CTNND2: variants seen among roughly 807,000 people sequenced by gnomAD.
CTNND2 encodes the protein catenin delta-2.
CTNND2 carries 22 observed loss-of-function variants against 144.4 expected under a neutral mutation model. The ratio of observed to expected loss-of-function variants is 0.15; its 90% CI spans 0.11 to 0.22. The LOEUF is 0.22. Among genes scored for constraint, CTNND2 ranks in the 10% least tolerant of loss-of-function variants. The pLI is 1.00. For missense variants in CTNND2, 1,353 were observed against 1,618.8 expected, an observed-to-expected ratio of 0.84 and a Z score of 2.82; for synonymous variants, 751 against 695.6, an observed-to-expected ratio of 1.08 and a Z score of -1.25.
chr5:11,333,653 A>G (rs1753420094), intron 9 of CTNND2, among the ~76,000 whole-genome samples: 1 of 152,230 alleles, frequency 6.6e-6, no homozygotes, highest in South Asian at 2.1e-4. Context: ...GGTTCATAGG[A>G]ACACCAGATA....
chr5:11,098,773 A>G (rs1280239181), intron 14 of CTNND2, 25 bp from the exon 15 acceptor site: 5 of 1,609,032 alleles, frequency 3.1e-6, no homozygotes, highest in Non-Finnish European at 3.4e-6. Context: ...ACAAGAGAGC[A>G]AACATCTTTA....
At chr5:11,623,804 GTATGTATATATATATATA>G (rs1293920902) in intron 2 of CTNND2, among the ~76,000 whole-genome samples, 5 of 30,638 alleles carry the variant, frequency 1.6e-4, no homozygotes, top group African/African-American at 5.6e-4. Context: ...ATATATGTGT[GTATGTATATATATATATA>G]TATATATATA....
chr5:11,131,748 C>T (rs1012690600), intron 12 of CTNND2, among the ~76,000 whole-genome samples: 1 of 151,960 alleles, frequency 6.6e-6, no homozygotes, highest in Non-Finnish European at 1.5e-5. Flanking sequence ...GAGATGGCAC[C>T]ATTGCACTCC....
chr5:11,646,799 C>T (rs558448842), intron 2 of CTNND2, among the ~76,000 whole-genome samples: 8 of 152,320 alleles, frequency 5.3e-5, no homozygotes, highest in East Asian at 1.9e-4. Context: ...TCCTGCAGAA[C>T]GTCTGCAGAT....
chr5:11,642,104 C>T (rs968360724), intron 2 of CTNND2, among the ~76,000 whole-genome samples: 13 of 151,992 alleles, frequency 8.6e-5, no homozygotes, highest in Admixed American at 6.6e-4. Context: ...AGAAAACCCA[C>T]GGAGTTTTGA....
chr5:11,603,197 A>G (rs1413541374), intron 2 of CTNND2, among the ~76,000 whole-genome samples: 6 of 152,178 alleles, frequency 3.9e-5, no homozygotes, highest in African/African-American at 1.4e-4. Flanking sequence ...AGAAGTATAA[A>G]TGCCATTGCT....
chr5:11,173,171 G>C (rs75068803), intron 11 of CTNND2, among the ~76,000 whole-genome samples: 8,987 of 152,320 alleles, frequency 0.059, 328 homozygotes, highest in East Asian at 0.15. Flanking sequence ...GGGTACCCGT[G>C]CCCTCTGGCT....
intron 2 of CTNND2, among the ~76,000 whole-genome samples, chr5:11,663,210 T>A (rs559502935): frequency 6.6e-6 from 1 of 152,346 alleles, no homozygotes; most frequent in East Asian, 1.9e-4. Flanking sequence ...GTCTGCATAA[T>A]TGATTTGAAA....
intron 11 of CTNND2, among the ~76,000 whole-genome samples, chr5:11,167,178 C>T (rs1580470331): frequency 6.6e-6 from 1 of 152,244 alleles, no homozygotes; most frequent in Non-Finnish European, 1.5e-5. Flanking sequence ...AAGAAAGGGC[C>T]TCTGAGGCTG....
At chr5:11,235,171 G>A (rs1289524284) in intron 10 of CTNND2, among the ~76,000 whole-genome samples, 2 of 152,128 alleles carry the variant, frequency 1.3e-5, no homozygotes, top group Non-Finnish European at 2.9e-5. Flanking sequence ...ATCAATTCAT[G>A]CTAACGATGA....
intron 3 of CTNND2, among the ~76,000 whole-genome samples, chr5:11,517,174 C>A (rs1429367142): frequency 6.6e-6 from 1 of 152,208 alleles, no homozygotes; most frequent in African/African-American, 2.4e-5. Flanking sequence ...ACAAAATACA[C>A]TCGAATCATG....
intron 2 of CTNND2, among the ~76,000 whole-genome samples, chr5:11,669,384 T>G (rs1326758952): frequency 6.6e-6 from 1 of 152,182 alleles, no homozygotes; most frequent in Non-Finnish European, 1.5e-5. Context: ...TGTGAATCCA[T>G]CTGGTCCTGG....
chr5:11,143,773 T>C (rs947073944), intron 12 of CTNND2, among the ~76,000 whole-genome samples: 3 of 152,370 alleles, frequency 2.0e-5, no homozygotes, highest in African/African-American at 7.2e-5. Flanking sequence ...GATGAAGCTC[T>C]GGCATTGGCT....
intron 2 of CTNND2, among the ~76,000 whole-genome samples, chr5:11,675,019 A>G (rs910522176): frequency 6.6e-6 from 1 of 152,092 alleles, no homozygotes; most frequent in African/African-American, 2.4e-5. Flanking sequence ...ATTCTTTCCA[A>G]TGGGGTTATT....
chr5:11,683,438 C>T (rs976420280), intron 2 of CTNND2, among the ~76,000 whole-genome samples: 1 of 152,158 alleles, frequency 6.6e-6, no homozygotes, highest in Admixed American at 6.5e-5. Flanking sequence ...CATAATAAAG[C>T]CATTAATAGA....
chr5:11,478,124 C>T (rs991822207), intron 3 of CTNND2, among the ~76,000 whole-genome samples: 1 of 152,114 alleles, frequency 6.6e-6, no homozygotes, highest in Non-Finnish European at 1.5e-5. Flanking sequence ...CTCTACACTT[C>T]TTCTCTCATA....
intron 2 of CTNND2, among the ~76,000 whole-genome samples, chr5:11,685,712 G>T (rs1385408926): frequency 6.6e-6 from 1 of 152,144 alleles, no homozygotes; most frequent in African/African-American, 2.4e-5. Context: ...ACTACGAATT[G>T]CAATTTAATG....
At chr5:11,128,739 ATTT>A (rs1221976412) in intron 12 of CTNND2, among the ~76,000 whole-genome samples, 1 of 41,348 alleles carries the variant, frequency 2.4e-5, no homozygotes, top group Admixed American at 3.7e-4. Context: ...TAATATATAT[ATTT>A]ATATATATTA....
chr5:11,829,079 A>G (rs895056136), intron 1 of CTNND2, among the ~76,000 whole-genome samples: 1 of 152,118 alleles, frequency 6.6e-6, no homozygotes. Context: ...GATGATTTAG[A>G]GTATCTGGCA....
Sources: gnomAD v4.1 joint callset for allele counts (sites outside exome capture counted in the v4.1 genomes callset) on GRCh38, gnomAD v4.1.1 for gene constraint, MANE v1.5 for transcripts, NCBI Gene and HGNC (gene_info 2026-07-23, HGNC 2026-07-21) for gene names.